Variants in TENM4 observed in about 807,000 individuals in gnomAD.
TENM4 encodes the protein teneurin transmembrane protein 4.
A neutral mutation model predicts 243.3 loss-of-function variants in TENM4; 82 were observed. That is an observed-to-expected ratio of 0.34 (90% confidence interval 0.28 to 0.40). TENM4 has a LOEUF of 0.40. TENM4 is among the 10% of genes least tolerant of loss of function. TENM4 has a pLI of 1.00. For synonymous variants in TENM4, 1,412 were observed against 1,456.3 expected (o/e 0.97, Z 0.69); for missense variants, 3,138 against 3,673.3 (o/e 0.85, Z 3.77).
At chr11:79,117,291 G>A (rs550960644) in intron 4 of TENM4, among the ~76,000 whole-genome samples, 13 of 152,246 alleles carry the variant, frequency 8.5e-5, no homozygotes, top group African/African-American at 2.4e-4. Context: ...GAGGGAAATC[G>A]GAATTCTTTT....
intron 6 of TENM4, among the ~76,000 whole-genome samples, chr11:78,957,262 A>T (rs989100083): frequency 2.6e-5 from 4 of 152,174 alleles, no homozygotes; most frequent in African/African-American, 7.2e-5. Flanking sequence ...CACCCTCAGA[A>T]CTAGGTAAAG....
At chr11:78,676,593 ATGTT>A (rs1358074508) in intron 29 of TENM4, among the ~76,000 whole-genome samples, 5 of 152,222 alleles carry the variant, frequency 3.3e-5, no homozygotes, top group African/African-American at 1.2e-4. Flanking sequence ...AATATTTTGT[ATGTT>A]TGTAGATTTT....
At chr11:79,237,594 T>A (rs1271768107) in intron 2 of TENM4, among the ~76,000 whole-genome samples, 1 of 152,150 alleles carries the variant, frequency 6.6e-6, no homozygotes, top group African/African-American at 2.4e-5. Flanking sequence ...GGAGAATCAC[T>A]TGAACCTGGG....
Position 79,396,688 on chromosome 11 carries a change from C to T in TENM4, c.-321+43821G>A, listed in dbSNP as rs575204239. Among the ~76,000 whole-genome samples the T allele has an allele frequency of 6.6e-4, 101 of 152,336 alleles. No homozygotes were observed. The Middle Eastern group carries it at 0.01, about 15-fold the overall frequency. On this transcript the variant is annotated intron_variant, in intron 1 of 33. Transcript: ENST00000278550. ...CGGCCAAGCCAAAGCGTCCACTTCC[C>T]TTTCTTTTGTATGACGCATGCATGG...
At chr11:79,000,198 A>G (rs1227248580) in intron 6 of TENM4, among the ~76,000 whole-genome samples, 1 of 152,180 alleles carries the variant, frequency 6.6e-6, no homozygotes, top group Admixed American at 6.5e-5. Flanking sequence ...CAGATAAACA[A>G]AGACTGAGAG....
rs545365940 is a variant in TENM4 at position 79,180,854 on chromosome 11, TATATATACACACAC to T, written c.-162-32062_-162-32049del. Among the ~76,000 whole-genome samples, 358 of 151,362 alleles carry T rather than the reference TATATATACACACAC, an allele frequency of 2.4e-3. 4 individuals carry two copies. The highest frequency in any genetic ancestry group is 8.0e-3 in the African/African-American group (331 of 41,424). ...GACAAATAGATTATCTGAATAGTCATATATATACACACACATATATATATGTATATCTAAACATA... is the reference window on the plus strand; with the variant it reads ...GACAAATAGATTATCTGAATAGTCATATATATATATGTATATCTAAACATA... On this transcript the variant is annotated intron_variant, in intron 3 of 33. Transcript: ENST00000278550.
chr11:78,856,865 C>T (rs1013580395), intron 10 of TENM4, among the ~76,000 whole-genome samples: 14 of 152,078 alleles, frequency 9.2e-5, no homozygotes, highest in Admixed American at 3.3e-4. Context: ...AGGGAATTTC[C>T]CAAGTTCACA....
At chr11:79,176,888 G>A (rs1426183841) in intron 3 of TENM4, among the ~76,000 whole-genome samples, 1 of 152,162 alleles carries the variant, frequency 6.6e-6, no homozygotes, top group Admixed American at 6.5e-5. Flanking sequence ...GGAATTTACT[G>A]AGGTTCCTGT....
chr11:79,036,268 T>C (rs1204428810), intron 6 of TENM4, among the ~76,000 whole-genome samples: 1 of 152,214 alleles, frequency 6.6e-6, no homozygotes, highest in Non-Finnish European at 1.5e-5. Context: ...TCCTTCTCCT[T>C]TGCTTATATA....
chr11:78,684,149 C>T (rs1858596047), intron 29 of TENM4, among the ~76,000 whole-genome samples: 1 of 152,226 alleles, frequency 6.6e-6, no homozygotes, highest in Admixed American at 6.5e-5. Context: ...CGTTAATGAA[C>T]AAATTCTCCA....
At chr11:78,820,391 A>G (rs1857700882) in intron 12 of TENM4, among the ~76,000 whole-genome samples, 1 of 152,192 alleles carries the variant, frequency 6.6e-6, no homozygotes, top group South Asian at 2.1e-4. Context: ...TTTGGCCTGG[A>G]CCAGAGTATG....
At chr11:78,865,963 C>T (rs563290391) in intron 9 of TENM4, among the ~76,000 whole-genome samples, 71 of 152,204 alleles carry the variant, frequency 4.7e-4, no homozygotes, top group Non-Finnish European at 7.3e-4. Context: ...GATAACTATA[C>T]GTGATAACCA....
In TENM4 at chr11:78,785,064, T is replaced by G. The variant is rs1262832471; in HGVS notation, c.2365+1834A>C. On this transcript the variant is annotated intron_variant, in intron 16 of 33. Coordinates refer to ENST00000278550, the MANE Select transcript of TENM4 (RefSeq NM_001098816.3). ...TTTTGTTTCTGTTTTTGTTTTTTTT[T>G]TTTGTTTTTGTTTTTTAGATAGGTG... Among the ~76,000 whole-genome samples, 90 of 148,936 alleles carry G rather than the reference T, an allele frequency of 6.0e-4. 1 individual carries two copies. Among genetic ancestry groups the G allele is most frequent in the African/African-American group, 2.1e-3 (87 of 40,770 alleles).
intron 1 of TENM4, among the ~76,000 whole-genome samples, chr11:79,428,964 T>C (rs1859111498): frequency 6.6e-6 from 1 of 152,210 alleles, no homozygotes; most frequent in African/African-American, 2.4e-5. Context: ...AGTTCCCACC[T>C]GGAACAGTTG....
intron 7 of TENM4, among the ~76,000 whole-genome samples, chr11:78,894,773 G>C (rs1183780629): frequency 6.7e-6 from 1 of 149,584 alleles, no homozygotes; most frequent in Non-Finnish European, 1.5e-5. Flanking sequence ...CAGGTGGATG[G>C]CTTGAGTGCA....
intron 6 of TENM4, among the ~76,000 whole-genome samples, chr11:78,993,165 G>C (rs1377862279): frequency 6.6e-6 from 1 of 152,104 alleles, no homozygotes; most frequent in East Asian, 1.9e-4. Flanking sequence ...ATCTTTCAAG[G>C]GGCATGAAGC....
chr11:78,846,268 T>G (rs528297021), intron 12 of TENM4, among the ~76,000 whole-genome samples: 2 of 152,366 alleles, frequency 1.3e-5, no homozygotes, highest in African/African-American at 4.8e-5. Flanking sequence ...TGCTTACCAC[T>G]TATCATTATT....
At chr11:79,180,031 G>A (rs1482232387) in intron 3 of TENM4, among the ~76,000 whole-genome samples, 1 of 151,678 alleles carries the variant, frequency 6.6e-6, no homozygotes, top group African/African-American at 2.4e-5. Context: ...TAAGGTCTGG[G>A]CTTGCAAATT....
intron 2 of TENM4, among the ~76,000 whole-genome samples, chr11:79,276,335 G>A (rs922839015): frequency 6.6e-6 from 1 of 152,216 alleles, no homozygotes; most frequent in Non-Finnish European, 1.5e-5. Context: ...CCCCGGTGCC[G>A]GGCTATGTCT....
Sources: gnomAD v4.1 joint callset for allele counts (sites outside exome capture counted in the v4.1 genomes callset) on GRCh38, gnomAD v4.1.1 for gene constraint, MANE v1.5 for transcripts, NCBI Gene and HGNC (gene_info 2026-07-23, HGNC 2026-07-21) for gene names.